The following CNNM1 variants were observed in gnomAD, a reference collection of about 807,000 sequenced individuals.
CNNM1 encodes the protein cyclin and CBS domain divalent metal cation transport mediator 1.
In CNNM1, 44 loss-of-function variants were observed where a neutral mutation model predicts 78.8. The ratio of observed to expected loss-of-function variants is 0.56; its 90% CI spans 0.44 to 0.72. The LOEUF (loss-of-function observed/expected upper bound fraction) is 0.72, where lower values mean the gene tolerates loss of function less well. Among genes scored for constraint, CNNM1 ranks in the 30% least tolerant of loss-of-function variants. The pLI, the probability that CNNM1 is intolerant of heterozygous loss-of-function variation, is 0.00. For missense variants in CNNM1, 1,101 were observed against 1,292.2 expected (o/e 0.85, Z 2.27); for synonymous variants, 584 against 581.5 (o/e 1.00, Z -0.06).
intron 6 of CNNM1, among the ~76,000 whole-genome samples, chr10:99,375,633 A>G (rs1451691635): frequency 6.6e-6 from 1 of 152,244 alleles, no homozygotes; most frequent in Non-Finnish European, 1.5e-5. Context: ...CTTGGCAGCT[A>G]AATAGATCAT....
At position 99,376,907 on chromosome 10, in the gene CNNM1, C is replaced by T; in HGVS notation, c.2177-148C>T. 4 of 746,840 alleles carry T rather than the reference C, an allele frequency of 5.4e-6. No homozygotes were observed. The South Asian group carries it at 7.0e-5, about 13-fold the overall frequency. 46.3% of individuals were successfully genotyped at this position (746,840 alleles called of 1,614,324 possible). A position where few individuals can be genotyped will look rare whatever the true frequency, so the allele number is the denominator to read the frequency against. ...CTGATGGGAAGGGTGAGGCCCATCA[C>T]CACCACCCAGTGTTACCATCGCCTG... On this transcript the variant is annotated intron_variant, in intron 6 of 10. Coordinates refer to ENST00000356713, the MANE Select transcript of CNNM1 (RefSeq NM_020348.3).
rs1850581709 is a variant in CNNM1, at chr10:99,330,317, G to C, written c.930G>C (p.Gly310=). The C allele has an allele frequency of 1.3e-6, 2 of 1,594,592 alleles. No individual in the cohort carries two copies. ...WLYTSLPPGF[G]GTGEDYSEEG... is the part of the protein sequence containing the mutation. ...ACACCTCGCTGCCGCCGGGCTTCGG[G>C]GGCACCGGGGAAGACTACAGCGAAG... The change falls in exon 1 of 11, where the codon GGG becomes GGC. Residue 310 remains glycine (G), a synonymous_variant. Transcript: ENST00000356713.
Position 99,359,937 on chromosome 10 carries a change from CA to C in CNNM1, c.1718-888del, listed in dbSNP as rs1000066093. 7.0e-4 allele frequency among the ~76,000 whole-genome samples: 75 copies of C among 107,576 alleles called. No individual in the cohort carries two copies. The Middle Eastern group carries it at 0.014, about 20-fold the overall frequency. 70.6% of individuals were successfully genotyped at this position (107,576 alleles called of 152,430 possible). A position where few individuals can be genotyped will look rare whatever the true frequency, so the allele number is the denominator to read the frequency against. ...ATTTCCTCTACCAAAAAAAAAAAAA[CA>C]AAAAAAAAAGCGGGGGCCGGGGGGG... On this transcript the variant is annotated intron_variant, in intron 2 of 10. Transcript: ENST00000356713.
At chr10:99,371,216 T>C (rs1431222557) in intron 6 of CNNM1, among the ~76,000 whole-genome samples, 1 of 152,196 alleles carries the variant, frequency 6.6e-6, no homozygotes, top group East Asian at 1.9e-4. Context: ...TCATTATCCA[T>C]AGGGAGTCTC....
At chr10:99,364,316 T>A in intron 4 of CNNM1, 101 bp from the exon 5 acceptor site, 4 of 814,830 alleles carry the variant, frequency 4.9e-6, no homozygotes, top group Non-Finnish European at 7.9e-6. Context: ...ATGGGTCTAG[T>A]CCACTTGTTA....
At chr10:99,360,392 C>A (rs1376062568) in intron 2 of CNNM1, among the ~76,000 whole-genome samples, 1 of 152,172 alleles carries the variant, frequency 6.6e-6, no homozygotes, top group Non-Finnish European at 1.5e-5. Flanking sequence ...GAATGCAGGT[C>A]CCTTGTGTGT....
chr10:99,358,280 C>G (rs2134044610), intron 2 of CNNM1, among the ~76,000 whole-genome samples: 1 of 152,300 alleles, frequency 6.6e-6, no homozygotes, highest in South Asian at 2.1e-4. Flanking sequence ...CACTCAGGAA[C>G]AATACAGACT....
intron 1 of CNNM1, among the ~76,000 whole-genome samples, chr10:99,335,418 A>C (rs555642475): frequency 2.4e-4 from 37 of 152,312 alleles, no homozygotes; most frequent in African/African-American, 8.4e-4. Context: ...AATCTTACTT[A>C]TTTTGTATTC....
Position 99,391,650 on chromosome 10 carries a change from C to G in CNNM1, c.*134C>G, listed in dbSNP as rs1396307485. On this transcript the variant is annotated 3_prime_UTR_variant, in exon 11 of 11. Coordinates refer to ENST00000356713, the MANE Select transcript of CNNM1 (RefSeq NM_020348.3). ...TCTGCCTTCCCTTCCATCTCTTCAC[C>G]CCTAGCTGTCAGTTTGGCAGATTTT... 5.6e-6 allele frequency: 4 copies of G among 708,648 alleles called. No homozygotes were observed. In the African/African-American group the frequency reaches 7.2e-5, roughly 13 times the overall value. The allele number at this position is 708,648 out of a possible 1,614,324, so 43.9% of individuals were successfully genotyped here. A position where few individuals can be genotyped will look rare whatever the true frequency, so the allele number is the denominator to read the frequency against.
intron 7 of CNNM1, among the ~76,000 whole-genome samples, chr10:99,386,407 G>A (rs533644058): frequency 6.6e-6 from 1 of 152,246 alleles, no homozygotes; most frequent in Non-Finnish European, 1.5e-5. Context: ...GTTTTAACAA[G>A]TCCTTCAGAT....
chr10:99,388,249 G>A lies in CNNM1; in HGVS notation c.2622G>A (p.Glu874=). 2 of 1,613,980 alleles carry A rather than the reference G, an allele frequency of 1.2e-6. No individual in the cohort carries two copies. Among genetic ancestry groups the A allele is most frequent in the East Asian group, 2.2e-5 (1 of 44,888 alleles). The change falls in exon 9 of 11, where the codon GAG becomes GAA. Residue 874 remains glutamate, a synonymous_variant. Coordinates refer to ENST00000356713, the MANE Select transcript of CNNM1 (RefSeq NM_020348.3). The stretch of plus-strand genomic sequence containing the variant: ...AGGAAGAAATGACTGACTTCGAGGA[G>A]CACAGCACACAGCAGCTCACGCTGT... ...FTQEEMTDFE[E]HSTQQLTLSP...
At chr10:99,359,713 G>A (rs1246031102) in intron 2 of CNNM1, among the ~76,000 whole-genome samples, 1 of 152,064 alleles carries the variant, frequency 6.6e-6, no homozygotes, top group Admixed American at 6.5e-5. Context: ...CTGCCACAGG[G>A]GTTCATTCCC....
At chr10:99,390,011 C>A (rs752090070) in intron 9 of CNNM1, among the ~76,000 whole-genome samples, 1 of 152,136 alleles carries the variant, frequency 6.6e-6, no homozygotes, top group Non-Finnish European at 1.5e-5. Flanking sequence ...TTCTCTAAAC[C>A]CTCTCTCTTG....
chr10:99,368,778 C>A, intron 6 of CNNM1: 2 of 781,768 alleles, frequency 2.6e-6, no homozygotes, highest in Non-Finnish European at 3.8e-6. Context: ...CTAATCACTC[C>A]AACAGGCACT....
At chr10:99,350,153 A>T (rs17111543) in intron 1 of CNNM1, among the ~76,000 whole-genome samples, 1 of 152,174 alleles carries the variant, frequency 6.6e-6, no homozygotes, top group African/African-American at 2.4e-5. Flanking sequence ...ATACATTTCC[A>T]TTGGTACCAA....
At chr10:99,353,606 C>G (rs751200147) in intron 1 of CNNM1, among the ~76,000 whole-genome samples, 1 of 152,130 alleles carries the variant, frequency 6.6e-6, no homozygotes, top group Non-Finnish European at 1.5e-5. Flanking sequence ...TCAAGACCAA[C>G]CTTTCATGAG....
intron 1 of CNNM1, among the ~76,000 whole-genome samples, chr10:99,331,520 G>T (rs1157924417): frequency 6.6e-6 from 1 of 152,156 alleles, no homozygotes; most frequent in African/African-American, 2.4e-5. Context: ...CACCTTAGAC[G>T]TTCTTCCCCA....
At chr10:99,384,444 T>G (rs191834497) in intron 7 of CNNM1, among the ~76,000 whole-genome samples, 1 of 152,280 alleles carries the variant, frequency 6.6e-6, no homozygotes, top group African/African-American at 2.4e-5. Flanking sequence ...CCTTTCCTTT[T>G]ATATAAACAC....
chr10:99,352,869 C>G (rs985890363), intron 1 of CNNM1, among the ~76,000 whole-genome samples: 1 of 151,504 alleles, frequency 6.6e-6, no homozygotes, highest in African/African-American at 2.4e-5. Context: ...TCCATTTGAT[C>G]TATTTTTTTA....
Sources: gnomAD v4.1 joint callset for allele counts (sites outside exome capture counted in the v4.1 genomes callset) on GRCh38, gnomAD v4.1.1 for gene constraint, MANE v1.5 for transcripts, NCBI Gene and HGNC (gene_info 2026-07-23, HGNC 2026-07-21) for gene names.